LSAMP: variants seen among roughly 807,000 people sequenced by gnomAD.
LSAMP encodes limbic system associated membrane protein, also known as limbic system-associated membrane protein.
Under a neutral mutation model 38.6 loss-of-function variants are expected in LSAMP, and 7 were observed. The observed-to-expected ratio is 0.18, with a 90% CI of 0.10 to 0.34. LSAMP has a LOEUF of 0.34. Among genes scored for constraint, LSAMP ranks in the 10% least tolerant of loss-of-function variants. The pLI is 1.00. For missense variants in LSAMP, 313 were observed against 420.0 expected (o/e 0.75, Z 2.23); for synonymous variants, 154 against 166.8 (o/e 0.92, Z 0.59).
At chr3:116,419,699 G>A (rs543120484) in intron 1 of LSAMP, among the ~76,000 whole-genome samples, 1 of 152,242 alleles carries the variant, frequency 6.6e-6, no homozygotes, top group South Asian at 2.1e-4. Context: ...AATTCGCAGG[G>A]AAAAGATAAG....
chr3:116,429,623 A>T (rs2049252720), intron 1 of LSAMP, among the ~76,000 whole-genome samples: 1 of 152,200 alleles, frequency 6.6e-6, no homozygotes, highest in South Asian at 2.1e-4. Context: ...CATTCTACTG[A>T]GATCATCTCT....
chr3:115,939,339 T>G (rs1010558104), intron 3 of LSAMP, among the ~76,000 whole-genome samples: 2 of 152,110 alleles, frequency 1.3e-5, no homozygotes, highest in Non-Finnish European at 2.9e-5. Context: ...GGATGCAGCA[T>G]TGTACTTTAT....
intron 1 of LSAMP, among the ~76,000 whole-genome samples, chr3:116,222,266 C>CA (rs58303455): frequency 2.7e-3 from 345 of 129,574 alleles, no homozygotes; most frequent in East Asian, 0.016. Flanking sequence ...TTTATGACTT[C>CA]AAAAAAAAAA....
At chr3:115,885,762 T>TA (rs1936437659) in intron 3 of LSAMP, among the ~76,000 whole-genome samples, 1 of 151,818 alleles carries the variant, frequency 6.6e-6, no homozygotes, top group African/African-American at 2.4e-5. Context: ...AGGCTTAAGT[T>TA]AGAGTCAATA....
intron 1 of LSAMP, among the ~76,000 whole-genome samples, chr3:116,275,294 C>T (rs1033545780): frequency 6.6e-6 from 1 of 152,122 alleles, no homozygotes; most frequent in African/African-American, 2.4e-5. Context: ...CTCAAGCAAT[C>T]CTCCCTCCTT....
intron 3 of LSAMP, among the ~76,000 whole-genome samples, chr3:115,947,193 T>C (rs1415887788): frequency 6.6e-6 from 1 of 152,178 alleles, no homozygotes; most frequent in Non-Finnish European, 1.5e-5. Context: ...GTAAATATTA[T>C]ATTTGATTAT....
rs74541208 is a variant in LSAMP at position 116,047,296 on chromosome 3, C to G, written c.389-27656G>C. Among the ~76,000 whole-genome samples, 480 of 149,908 alleles carry G rather than the reference C, an allele frequency of 3.2e-3. 1 individual carries two copies. Among genetic ancestry groups the G allele is most frequent in the Non-Finnish European group, 5.5e-3 (369 of 67,656 alleles). On this transcript the variant is annotated intron_variant, in intron 2 of 6. Transcript: ENST00000490035. ...GAAACAGAAAAATCCTATATAGAGGCAAATATTTCAAAGAGTGGTACAGAC... is the reference window on the plus strand; with the variant it reads ...GAAACAGAAAAATCCTATATAGAGGGAAATATTTCAAAGAGTGGTACAGAC...
intron 1 of LSAMP, among the ~76,000 whole-genome samples, chr3:116,307,134 A>G (rs1160027372): frequency 6.6e-6 from 1 of 151,996 alleles, no homozygotes; most frequent in Non-Finnish European, 1.5e-5. Context: ...AGTTAGAAAA[A>G]AGTTTCACAT....
At chr3:116,278,649 C>T (rs1004848409) in intron 1 of LSAMP, among the ~76,000 whole-genome samples, 1 of 152,008 alleles carries the variant, frequency 6.6e-6, no homozygotes, top group Non-Finnish European at 1.5e-5. Flanking sequence ...ATGACAGGAA[C>T]CCCTTTTGTG....
chr3:115,879,959 A>T (rs753281350), intron 3 of LSAMP, among the ~76,000 whole-genome samples: 8 of 152,180 alleles, frequency 5.3e-5, no homozygotes, highest in Non-Finnish European at 7.4e-5. Flanking sequence ...GAATTCATTC[A>T]ATTTATCATT....
chr3:116,114,755 T>C (rs760468602), intron 1 of LSAMP, among the ~76,000 whole-genome samples: 1 of 152,226 alleles, frequency 6.6e-6, no homozygotes, highest in Non-Finnish European at 1.5e-5. Flanking sequence ...CTTGGGTAGA[T>C]TGTAGACTCT....
chr3:116,047,645 T>C (rs555457611), intron 2 of LSAMP, among the ~76,000 whole-genome samples: 86 of 152,238 alleles, frequency 5.6e-4, no homozygotes, highest in African/African-American at 2.0e-3. Flanking sequence ...CCTATTTTCC[T>C]CCTCAGTGAA....
intron 1 of LSAMP, among the ~76,000 whole-genome samples, chr3:116,343,938 T>G (rs930853854): frequency 6.6e-6 from 1 of 152,134 alleles, no homozygotes; most frequent in African/African-American, 2.4e-5. Flanking sequence ...TGTAAATGTA[T>G]TATTCCTGAG....
intron 1 of LSAMP, among the ~76,000 whole-genome samples, chr3:116,168,014 G>A (rs759939004): frequency 2.6e-5 from 4 of 152,256 alleles, no homozygotes; most frequent in South Asian, 4.1e-4. Context: ...AACCAACTCT[G>A]TCCCAACAGA....
intron 3 of LSAMP, among the ~76,000 whole-genome samples, chr3:115,923,260 C>G (rs562003352): frequency 6.6e-6 from 1 of 152,314 alleles, no homozygotes; most frequent in East Asian, 1.9e-4. Context: ...TTCCACTTTT[C>G]CTTTTCCCCT....
chr3:116,268,703 CTT>C (rs386397692), intron 1 of LSAMP, among the ~76,000 whole-genome samples: 1 of 151,466 alleles, frequency 6.6e-6, no homozygotes, highest in Non-Finnish European at 1.5e-5. Flanking sequence ...ATTTTTCTTT[CTT>C]TCTTTAAAAA....
At chr3:116,444,495 G>A (rs568938898) in intron 1 of LSAMP, among the ~76,000 whole-genome samples, 43 of 150,632 alleles carry the variant, frequency 2.9e-4, no homozygotes, top group Admixed American at 1.9e-3. Context: ...CAGAATTAAG[G>A]ACCCCCAACA....
intron 2 of LSAMP, among the ~76,000 whole-genome samples, chr3:116,072,949 CT>C (rs1559731800): frequency 6.6e-6 from 1 of 152,054 alleles, no homozygotes; most frequent in East Asian, 1.9e-4. Flanking sequence ...GTTGCAATTG[CT>C]TTTGGCATTT....
intron 1 of LSAMP, among the ~76,000 whole-genome samples, chr3:116,175,734 C>T (rs1010643745): frequency 1.3e-5 from 2 of 151,652 alleles, no homozygotes; most frequent in African/African-American, 4.8e-5. Context: ...GAGACTGGGT[C>T]AAAGTGAGTG....
Sources: gnomAD v4.1 joint callset for allele counts (sites outside exome capture counted in the v4.1 genomes callset) on GRCh38, gnomAD v4.1.1 for gene constraint, MANE v1.5 for transcripts, NCBI Gene and HGNC (gene_info 2026-07-23, HGNC 2026-07-21) for gene names.